Variants in LPP observed in about 807,000 individuals in gnomAD.
LPP encodes the protein LIM domain containing preferred translocation partner in lipoma, also known as lipoma-preferred partner.
Under a neutral mutation model 60.4 loss-of-function variants are expected in LPP, and 38 were observed. That is an observed-to-expected ratio of 0.63 (90% CI 0.49 to 0.83). The LOEUF is 0.83. Among genes scored for constraint, LPP ranks in the 40% least tolerant of loss-of-function variants. LPP has a pLI of 0.00. For synonymous variants in LPP, 328 were observed against 290.8 expected (o/e 1.13, Z -1.30); for missense variants, 902 against 783.6 (o/e 1.15, Z -1.80).
intron 2 of LPP, among the ~76,000 whole-genome samples, chr3:188,272,906 A>G (rs916339135): frequency 1.2e-4 from 18 of 152,202 alleles, no homozygotes; most frequent in African/African-American, 3.6e-4. Flanking sequence ...TTTAACACCT[A>G]TTAACTTGTT....
chr3:188,535,877 C>T (rs979492599), intron 6 of LPP, among the ~76,000 whole-genome samples: 28 of 151,974 alleles, frequency 1.8e-4, no homozygotes, highest in African/African-American at 6.3e-4. Flanking sequence ...TAAATAAAGA[C>T]CAATATGATA....
At chr3:188,865,093 G>A (rs976818145) in intron 9 of LPP, among the ~76,000 whole-genome samples, 8 of 152,130 alleles carry the variant, frequency 5.3e-5, no homozygotes, top group South Asian at 2.1e-4. Flanking sequence ...TCCACATCCC[G>A]GGTTTATTCC....
chr3:188,716,458 C>T (rs1174328997), intron 8 of LPP, among the ~76,000 whole-genome samples: 1 of 152,152 alleles, frequency 6.6e-6, no homozygotes, highest in Non-Finnish European at 1.5e-5. Context: ...TTTCTTTCTG[C>T]ACTAGTGGGA....
At chr3:188,388,607 G>A (rs1188712202) in intron 3 of LPP, among the ~76,000 whole-genome samples, 1 of 152,108 alleles carries the variant, frequency 6.6e-6, no homozygotes, top group East Asian at 1.9e-4. Flanking sequence ...CGAAAAGGAA[G>A]GATTATTCTC....
At chr3:188,297,191 C>G (rs528736573) in intron 2 of LPP, among the ~76,000 whole-genome samples, 1 of 152,194 alleles carries the variant, frequency 6.6e-6, no homozygotes, top group East Asian at 1.9e-4. Context: ...GAAGGACACA[C>G]TTAGATAACT....
chr3:188,696,660 T>A (rs1560079033), intron 7 of LPP, among the ~76,000 whole-genome samples: 1 of 152,206 alleles, frequency 6.6e-6, no homozygotes, highest in African/African-American at 2.4e-5. Context: ...GTAGTAAAAT[T>A]CAGCATCCTG....
chr3:188,416,024 G>A (rs1477952242), intron 4 of LPP, among the ~76,000 whole-genome samples: 6 of 151,960 alleles, frequency 3.9e-5, no homozygotes, highest in Admixed American at 1.3e-4. Flanking sequence ...AGCTTTATGA[G>A]CATTACCATT....
At chr3:188,692,590 C>T (rs1862367604) in intron 7 of LPP, among the ~76,000 whole-genome samples, 1 of 152,196 alleles carries the variant, frequency 6.6e-6, no homozygotes, top group Non-Finnish European at 1.5e-5. Flanking sequence ...TCTGATAGCA[C>T]ATCATTAAAA....
At chr3:188,398,387 C>T (rs1479216230) in intron 3 of LPP, among the ~76,000 whole-genome samples, 1 of 152,248 alleles carries the variant, frequency 6.6e-6, no homozygotes, top group African/African-American at 2.4e-5. Context: ...GCATCTAAGT[C>T]TAGTGCCTTT....
At chr3:188,381,405 G>C (rs1776849811) in intron 3 of LPP, among the ~76,000 whole-genome samples, 1 of 151,950 alleles carries the variant, frequency 6.6e-6, no homozygotes, top group Non-Finnish European at 1.5e-5. Flanking sequence ...TGGAATTATT[G>C]GATTAGGTGG....
chr3:188,255,257 C>T (rs1169607672), intron 2 of LPP, among the ~76,000 whole-genome samples: 2 of 152,200 alleles, frequency 1.3e-5, no homozygotes, highest in African/African-American at 4.8e-5. Flanking sequence ...GTCTTTTCAA[C>T]ACCCACTCAA....
chr3:188,189,279 G>A (rs537185169), intron 1 of LPP, among the ~76,000 whole-genome samples: 1 of 152,212 alleles, frequency 6.6e-6, no homozygotes, highest in Admixed American at 6.5e-5. Flanking sequence ...ATAGTGACAG[G>A]GTTTCACCAT....
intron 7 of LPP, among the ~76,000 whole-genome samples, chr3:188,687,091 A>G (rs148666617): frequency 2.2e-3 from 332 of 152,342 alleles, no homozygotes; most frequent in African/African-American, 6.9e-3. Context: ...GAGTCTTTAA[A>G]TGAATATATC....
intron 7 of LPP, among the ~76,000 whole-genome samples, chr3:188,642,790 G>T (rs1850412252): frequency 6.6e-6 from 1 of 152,102 alleles, no homozygotes. Context: ...TACAAAATTA[G>T]CTGGGTGTGG....
At chr3:188,753,959 A>G (rs1278257943) in intron 8 of LPP, among the ~76,000 whole-genome samples, 2 of 152,202 alleles carry the variant, frequency 1.3e-5, no homozygotes, top group Admixed American at 6.5e-5. Flanking sequence ...TTAAGATATG[A>G]TAAAAACTCT....
intron 1 of LPP, chr3:188,180,342 C>G (rs1013170124): frequency 6.5e-6 from 1 of 154,872 alleles, no homozygotes; most frequent in African/African-American, 2.4e-5. Context: ...CAGTCATGCT[C>G]TGTGCTTGCT....
At chr3:188,211,723 C>T (rs1734745906) in intron 1 of LPP, among the ~76,000 whole-genome samples, 2 of 152,176 alleles carry the variant, frequency 1.3e-5, no homozygotes, top group African/African-American at 4.8e-5. Flanking sequence ...AGTCTTCCAG[C>T]CCGGTGTCTG....
chr3:188,691,837 A>G (rs1220573698), intron 7 of LPP, among the ~76,000 whole-genome samples: 1 of 152,212 alleles, frequency 6.6e-6, no homozygotes, highest in Non-Finnish European at 1.5e-5. Context: ...AGTAGAGCAC[A>G]TTAAGTTCTT....
chr3:188,181,705 T>C (rs1037504173), intron 1 of LPP, among the ~76,000 whole-genome samples: 1 of 152,242 alleles, frequency 6.6e-6, no homozygotes, highest in Non-Finnish European at 1.5e-5. Context: ...ATTTATTTAA[T>C]TTAATTAATT....
Sources: allele counts gnomAD v4.1 joint callset (sites outside exome capture counted in the v4.1 genomes callset), GRCh38; gene constraint gnomAD v4.1.1; transcripts MANE v1.5; gene names NCBI Gene and HGNC (gene_info 2026-07-23, HGNC 2026-07-21).